Variants in DSCAML1 observed in about 807,000 individuals in gnomAD.
The protein encoded by DSCAML1 is cell adhesion molecule DSCAML1.
DSCAML1 carries 38 observed loss-of-function variants against 200.5 expected under a neutral mutation model. The ratio of observed to expected loss-of-function variants is 0.19; its 90% confidence interval spans 0.15 to 0.25. The LOEUF (loss-of-function observed/expected upper bound fraction) is 0.25. Ranked by LOEUF, DSCAML1 falls within the 10% of genes least tolerant of loss-of-function variation. The pLI, the probability that DSCAML1 is intolerant of heterozygous loss-of-function variation, is 1.00. For synonymous variants in DSCAML1, 1,215 were observed against 1,165.0 expected, an observed-to-expected ratio of 1.04 and a Z score of -0.87; for missense variants, 2,223 against 2,858.8, an observed-to-expected ratio of 0.78 and a Z score of 5.07.
At chr11:117,510,169 A>G (rs1439379370) in intron 8 of DSCAML1, among the ~76,000 whole-genome samples, 2 of 152,192 alleles carry the variant, frequency 1.3e-5, no homozygotes, top group South Asian at 2.1e-4. Context: ...GAAACATTTA[A>G]TGGTGTCTCT....
chr11:117,573,155 G>A (rs1186853178), intron 3 of DSCAML1, among the ~76,000 whole-genome samples: 1 of 152,190 alleles, frequency 6.6e-6, no homozygotes, highest in Non-Finnish European at 1.5e-5. Context: ...GTCCTGTCGT[G>A]CATTCAGAAG....
intron 3 of DSCAML1, among the ~76,000 whole-genome samples, chr11:117,600,409 T>C: frequency 6.6e-6 from 1 of 152,180 alleles, no homozygotes; most frequent in East Asian, 1.9e-4. Flanking sequence ...CGAATCTCAC[T>C]CTGGATCATG....
chr11:117,793,359 G>A (rs1394016541), intron 1 of DSCAML1, among the ~76,000 whole-genome samples: 2 of 152,070 alleles, frequency 1.3e-5, no homozygotes, highest in Non-Finnish European at 2.9e-5. Flanking sequence ...CACGGAGGAG[G>A]GAAGAAGCTC....
At chr11:117,450,791 T>C (rs762757341) in intron 19 of DSCAML1, 103 bp from the exon 20 acceptor site, 7 of 1,387,284 alleles carry the variant, frequency 5.0e-6, no homozygotes, top group Admixed American at 2.4e-5. Flanking sequence ...TGGGAGAGCT[T>C]CTTGGAGGTG....
At chr11:117,756,751 G>A (rs1038613485) in intron 3 of DSCAML1, among the ~76,000 whole-genome samples, 1 of 152,014 alleles carries the variant, frequency 6.6e-6, no homozygotes. Context: ...GATGGTGCTG[G>A]TGGAAACAGC....
chr11:117,597,345 A>T (rs1363715340), intron 3 of DSCAML1, among the ~76,000 whole-genome samples: 1 of 152,150 alleles, frequency 6.6e-6, no homozygotes, highest in Non-Finnish European at 1.5e-5. Flanking sequence ...CAAGAAGCAA[A>T]CTGGGGGGCA....
chr11:117,633,241 C>T (rs1565839711), intron 3 of DSCAML1, among the ~76,000 whole-genome samples: 1 of 152,144 alleles, frequency 6.6e-6, no homozygotes, highest in African/African-American at 2.4e-5. Context: ...GCCTGTCTCT[C>T]TGTGGGAACC....
intron 3 of DSCAML1, among the ~76,000 whole-genome samples, chr11:117,543,975 T>C (rs2050321176): frequency 6.6e-6 from 1 of 152,172 alleles, no homozygotes. Flanking sequence ...AGGGGTTTCC[T>C]GCTTTGCCTC....
chr11:117,504,484 A>G lies in DSCAML1; in HGVS notation c.2182+440T>C, dbSNP rs996898989. On this transcript the variant is annotated intron_variant, in intron 10 of 32. Coordinates refer to ENST00000651296, the MANE Select transcript of DSCAML1 (RefSeq NM_020693.4). The surrounding 1 kb of genome is among the most constrained non-coding windows in gnomAD (Gnocchi z 5.0). ...CCATTCCCCAGTGTCAGTCACGAAT[A>G]CAGTCTAGGATTGGGCCTCAGTCAG... 6.6e-6 allele frequency among the ~76,000 whole-genome samples: 1 copy of G among 152,138 alleles called. No homozygotes were observed. Among genetic ancestry groups the G allele is most frequent in the Non-Finnish European group, 1.5e-5 (1 of 68,018 alleles).
intron 3 of DSCAML1, among the ~76,000 whole-genome samples, chr11:117,736,544 G>A (rs913040674): frequency 6.6e-6 from 1 of 152,186 alleles, no homozygotes; most frequent in Non-Finnish European, 1.5e-5. Flanking sequence ...GGATGGTTAG[G>A]GTCATGCTGA....
rs1306075708 is a variant in DSCAML1, at chr11:117,802,327, G to T, written c.-250+15063C>A. On this transcript the variant is annotated intron_variant, in intron 1 of 2. Coordinates refer to the DSCAML1 transcript ENST00000525836. ...CCTCAGACATCTACTTGGCCCATGG[G>T]TCTCATCCCTTTGTCTAGAATTGTG... 2.6e-5 allele frequency among the ~76,000 whole-genome samples: 4 copies of T among 152,098 alleles called. No homozygotes were observed. In the East Asian group the frequency reaches 7.7e-4, roughly 29 times the overall value.
chr11:117,501,979 G>T (rs1182718741), intron 11 of DSCAML1, among the ~76,000 whole-genome samples: 1 of 152,128 alleles, frequency 6.6e-6, no homozygotes, highest in Non-Finnish European at 1.5e-5. Flanking sequence ...GGGCCCCATA[G>T]GTGAGCCCCA....
At chr11:117,744,081 T>C (rs869005) in intron 3 of DSCAML1, among the ~76,000 whole-genome samples, 119,896 of 152,230 alleles carry the variant, frequency 0.79, 51,138 homozygotes, top group Non-Finnish European at 0.94. Flanking sequence ...TAATAAATCA[T>C]AATCGATAAT....
chr11:117,610,504 T>G (rs539754809), intron 3 of DSCAML1, among the ~76,000 whole-genome samples: 1 of 152,078 alleles, frequency 6.6e-6, no homozygotes, highest in South Asian at 2.1e-4. Flanking sequence ...CAACCTCCCC[T>G]TGCCCCCAAA....
chr11:117,432,899 C>G (rs758383520), intron 29 of DSCAML1, among the ~76,000 whole-genome samples: 11 of 152,146 alleles, frequency 7.2e-5, no homozygotes, highest in Non-Finnish European at 1.5e-4. Context: ...GCATGACCCA[C>G]CAACCCAGAC....
At chr11:117,520,503 G>C (rs2049863951) in intron 6 of DSCAML1, among the ~76,000 whole-genome samples, 1 of 152,088 alleles carries the variant, frequency 6.6e-6, no homozygotes, top group African/African-American at 2.4e-5. Context: ...GGCAGAGACA[G>C]TAGAGTATGA....
intron 3 of DSCAML1, among the ~76,000 whole-genome samples, chr11:117,612,203 A>G (rs115346943): frequency 0.016 from 2,427 of 152,322 alleles, 64 homozygotes; most frequent in African/African-American, 0.054. Flanking sequence ...AGACTTTTAG[A>G]GACGCTTTCC....
At chr11:117,797,309 C>T (rs563363802), upstream of DSCAML1, 2 of 1,311,064 alleles carry the variant, frequency 1.5e-6, no homozygotes, top group Non-Finnish European at 9.7e-7. Context: ...CGCGGCACCC[C>T]GGGTGGTGAG....
At chr11:117,495,556 C>T (rs935193655) in intron 11 of DSCAML1, among the ~76,000 whole-genome samples, 4 of 152,120 alleles carry the variant, frequency 2.6e-5, no homozygotes, top group African/African-American at 9.7e-5. Flanking sequence ...AGTCATGAGT[C>T]ACTTTAGCGG....
Sources: gnomAD v4.1 joint callset for allele counts (sites outside exome capture counted in the v4.1 genomes callset) on GRCh38, gnomAD v4.1.1 for gene constraint, Gnocchi (gnomAD v3.1) non-coding constraint, MANE v1.5 for transcripts, NCBI Gene and HGNC (gene_info 2026-07-23, HGNC 2026-07-21) for gene names.